DOP1A: variants seen among roughly 807,000 people sequenced by gnomAD.
DOP1A encodes the protein DOP1 leucine zipper like protein A.
A neutral mutation model predicts 267.6 loss-of-function variants in DOP1A; 90 were observed. That is an observed-to-expected ratio of 0.34 (90% CI 0.28 to 0.40). DOP1A has a LOEUF of 0.40. Among genes scored for constraint, DOP1A ranks in the 10% least tolerant of loss-of-function variants. DOP1A has a pLI of 1.00. For missense variants in DOP1A, 2,437 were observed against 2,900.4 expected (o/e 0.84, Z 3.67); for synonymous variants, 932 against 999.1 (o/e 0.93, Z 1.27).
In DOP1A at chr6:83,085,647, T is replaced by C. The variant is rs1295996451; in HGVS notation, c.-146-11084T>C. 3.9e-5 allele frequency among the ~76,000 whole-genome samples: 6 copies of C among 152,230 alleles called. No individual in the cohort carries two copies. The East Asian group carries it at 9.6e-4, about 24-fold the overall frequency. The stretch of plus-strand genomic sequence containing the variant: ...TCTAAGCTTTGTATTGGAATATTTG[T>C]ATTTAGGGTATAGCTAAGATGTTGC... On this transcript the variant is annotated intron_variant, in intron 1 of 38. Transcript: ENST00000349129.
chr6:83,161,840 A>C (rs916255223), intron 37 of DOP1A, among the ~76,000 whole-genome samples: 1 of 152,106 alleles, frequency 6.6e-6, no homozygotes, highest in Non-Finnish European at 1.5e-5. Context: ...TCCTGTCTCT[A>C]TATTCTCAGA....
intron 1 of DOP1A, among the ~76,000 whole-genome samples, chr6:83,089,493 C>T (rs1456430748): frequency 6.6e-6 from 1 of 152,084 alleles, no homozygotes; most frequent in Non-Finnish European, 1.5e-5. Flanking sequence ...AATTATGTTT[C>T]ATGACAATTC....
chr6:83,087,300 G>A (rs1769449411), intron 1 of DOP1A, among the ~76,000 whole-genome samples: 1 of 152,166 alleles, frequency 6.6e-6, no homozygotes, highest in African/African-American at 2.4e-5. Flanking sequence ...AATTTACTAA[G>A]GAAACAGTGG....
intron 1 of DOP1A, among the ~76,000 whole-genome samples, chr6:83,089,275 T>C (rs1769889270): frequency 1.3e-5 from 2 of 152,224 alleles, no homozygotes; most frequent in Admixed American, 1.3e-4. Context: ...AAAATTGAGA[T>C]GGTATGATAC....
intron 5 of DOP1A, 37 bp downstream of exon 5, chr6:83,109,117 C>T: frequency 6.3e-7 from 1 of 1,586,098 alleles, no homozygotes; most frequent in Non-Finnish European, 8.6e-7. Context: ...TAATTGAAGT[C>T]ATGGATTTGT....
chr6:83,071,345 T>C (rs2127959656), intron 1 of DOP1A, among the ~76,000 whole-genome samples: 1 of 152,292 alleles, frequency 6.6e-6, no homozygotes, highest in Non-Finnish European at 1.5e-5. Context: ...TAGCTGGTAT[T>C]ACAGGCACCC....
chr6:83,098,351 C>A (rs1214649033), intron 3 of DOP1A, among the ~76,000 whole-genome samples: 2 of 152,158 alleles, frequency 1.3e-5, no homozygotes, highest in African/African-American at 4.8e-5. Context: ...CCCTTACCAG[C>A]AAGCAAGCAG....
chr6:83,152,252 G>A (rs1347773535), intron 29 of DOP1A, 36 bp from the exon 30 acceptor site: 1 of 1,262,314 alleles, frequency 7.9e-7, no homozygotes, highest in East Asian at 2.5e-5. Context: ...TTTTCAGTGG[G>A]AATTAGCCAT....
chr6:83,104,079 CTTAT>C (rs981087151), intron 4 of DOP1A, among the ~76,000 whole-genome samples: 3 of 151,968 alleles, frequency 2.0e-5, no homozygotes, highest in African/African-American at 7.2e-5. Context: ...CTTTTTGCTT[CTTAT>C]TTAAGAAATC....
chr6:83,098,405 A>T (rs1223578419), intron 3 of DOP1A, among the ~76,000 whole-genome samples: 1 of 152,176 alleles, frequency 6.6e-6, no homozygotes, highest in Non-Finnish European at 1.5e-5. Flanking sequence ...TTCAATTTGG[A>T]CACTATCTAC....
chr6:83,130,065 G>A (rs79712428), intron 16 of DOP1A, 58 bp from the exon 17 acceptor site: 1 of 1,563,330 alleles, frequency 6.4e-7, no homozygotes, highest in Non-Finnish European at 8.6e-7. Context: ...AATTAACTTA[G>A]AGTGTGTGTG....
intron 19 of DOP1A, 68 bp downstream of exon 19, chr6:83,134,355 C>T: frequency 2.9e-6 from 4 of 1,368,024 alleles, no homozygotes; most frequent in Non-Finnish European, 2.0e-6. Context: ...CTTGAGTCCA[C>T]TGTCTAGCTT....
At chr6:83,082,654 T>C (rs1339014867) in intron 1 of DOP1A, among the ~76,000 whole-genome samples, 1 of 152,202 alleles carries the variant, frequency 6.6e-6, no homozygotes, top group Non-Finnish European at 1.5e-5. Context: ...GTAAGTGTTC[T>C]TACCACAAAA....
intron 3 of DOP1A, among the ~76,000 whole-genome samples, chr6:83,099,518 A>C (rs1772146428): frequency 6.6e-6 from 1 of 152,156 alleles, no homozygotes; most frequent in Non-Finnish European, 1.5e-5. Context: ...AAGTCATTAA[A>C]TGATGGAAAT....
downstream of DOP1A, chr6:83,170,335 G>A (rs764980780): frequency 1.4e-5 from 22 of 1,614,090 alleles, no homozygotes; most frequent in South Asian, 5.5e-5. Flanking sequence ...ATACTCGGAC[G>A]ACATCTTCTG....
At chr6:83,077,512 AT>A (rs200541167) in intron 1 of DOP1A, among the ~76,000 whole-genome samples, 25 of 147,542 alleles carry the variant, frequency 1.7e-4, no homozygotes, top group East Asian at 6.0e-4. Context: ...ACAAAAAAAA[AT>A]TTTTTTTTTT....
At chr6:83,108,294 C>T (rs1429865754) in intron 4 of DOP1A, among the ~76,000 whole-genome samples, 2 of 152,212 alleles carry the variant, frequency 1.3e-5, no homozygotes, top group Non-Finnish European at 2.9e-5. Flanking sequence ...GTCCTCTACT[C>T]TCAGCCTCCC....
At chr6:83,140,944 T>TAG (rs1779547384) in intron 23 of DOP1A, among the ~76,000 whole-genome samples, 1 of 152,134 alleles carries the variant, frequency 6.6e-6, no homozygotes, top group African/African-American at 2.4e-5. Context: ...GCAATATGTA[T>TAG]AGAGAGCTTT....
At chr6:83,118,800 T>C in intron 7 of DOP1A, 88 bp from the exon 8 acceptor site, 1 of 1,072,614 alleles carries the variant, frequency 9.3e-7, no homozygotes, top group Non-Finnish European at 1.4e-6. Context: ...CCTAATATTC[T>C]AAGCATATTT....
Sources: gnomAD v4.1 joint callset for allele counts (sites outside exome capture counted in the v4.1 genomes callset) on GRCh38, gnomAD v4.1.1 for gene constraint, MANE v1.5 for transcripts, NCBI Gene and HGNC (gene_info 2026-07-23, HGNC 2026-07-21) for gene names.